The following SLC66A1 variants were observed in gnomAD, a reference collection of about 807,000 sequenced individuals.
SLC66A1 encodes solute carrier family 66 member 1, also known as lysosomal amino acid transporter 1 homolog.
Under a neutral mutation model 33.0 loss-of-function variants are expected in SLC66A1, and 23 were observed. The observed-to-expected ratio is 0.70, with a 90% CI of 0.50 to 0.99. SLC66A1 has a LOEUF of 0.99. SLC66A1 is among the 50% of genes least tolerant of loss of function. SLC66A1 has a pLI of 0.00. For missense variants in SLC66A1, 335 were observed against 383.6 expected (o/e 0.87, Z 1.06); for synonymous variants, 164 against 175.5 (o/e 0.93, Z 0.52).
At chr1:19,316,414 CA>C (rs2093806265) in intron 1 of SLC66A1, among the ~76,000 whole-genome samples, 1 of 150,308 alleles carries the variant, frequency 6.7e-6, no homozygotes, top group African/African-American at 2.5e-5. Flanking sequence ...AGACAGGGTT[CA>C]GCTCTGTCGC....
rs919659013 is a variant in SLC66A1 at position 19,327,479 on chromosome 1, G to A, written c.804+67G>A. 1.7e-5 allele frequency: 26 copies of A among 1,520,940 alleles called. No individual in the cohort carries two copies. The Admixed American group carries it at 1.8e-4, about 10-fold the overall frequency. The allele number at this position is 1,520,940 out of a possible 1,614,324, so 94.2% of individuals were successfully genotyped here. On this transcript the variant is annotated intron_variant, in intron 7 of 7. Coordinates refer to ENST00000375153, the MANE Select transcript of SLC66A1 (RefSeq NM_001040125.2). ...AAGGAAGCTTCTGCCTGCACACAGC[G>A]TCAGCACTCATCCGTCTCTTCCTCC...
chr1:19,332,980 G>T (rs999201339), downstream of SLC66A1, among the ~76,000 whole-genome samples: 1 of 152,204 alleles, frequency 6.6e-6, no homozygotes, highest in African/African-American at 2.4e-5. Context: ...TGTTGAACGA[G>T]ACACTGTATG....
chr1:19,333,808 GTGGGAGGATTGCT>G (rs1157584296), downstream of SLC66A1, among the ~76,000 whole-genome samples: 1 of 152,178 alleles, frequency 6.6e-6, no homozygotes, highest in African/African-American at 2.4e-5. This position sits in a 1 kb window ranked among gnomAD's most constrained non-coding sequence, Gnocchi z 4.2. Context: ...GGAGGTTAAG[GTGGGAGGATTGCT>G]TGGGCCCTGG....
intron 2 of SLC66A1, among the ~76,000 whole-genome samples, chr1:19,323,814 G>A (rs556161377): frequency 1.3e-5 from 2 of 152,338 alleles, no homozygotes; most frequent in South Asian, 2.1e-4. Flanking sequence ...GAGCAAGACC[G>A]GAGGCTCAGG....
At position 19,323,316 on chromosome 1, in the gene SLC66A1, G is replaced by A. The variant is rs552348799; in HGVS notation, c.165-1317G>A. ...GGAGGCTGAGGGAGGCAGGTGGAAG[G>A]ACTCGCTGTGGGAAGAATGCCGGTT... On this transcript the variant is annotated intron_variant, in intron 2 of 7. Transcript: ENST00000375153. Among the ~76,000 whole-genome samples the A allele has an allele frequency of 4.1e-3, 626 of 152,336 alleles. 1 individual carries two copies. The highest frequency in any genetic ancestry group is 0.013 in the African/African-American group (552 of 41,574).
At chr1:19,324,482 C>G (rs760500924) in intron 2 of SLC66A1, 151 bp from the exon 3 acceptor site, 2 of 911,788 alleles carry the variant, frequency 2.2e-6, no homozygotes, top group Non-Finnish European at 3.3e-6. Context: ...TTCTGAGGAT[C>G]CCGCCCGTGG....
intron 4 of SLC66A1, 119 bp downstream of exon 4, chr1:19,325,701 C>G: frequency 1.2e-6 from 1 of 837,084 alleles, no homozygotes; most frequent in Middle Eastern, 3.5e-4. Context: ...TAACCCAAAC[C>G]TCGGAAAGCC....
At position 19,317,607 on chromosome 1, in the gene SLC66A1, G is replaced by A. The variant is rs936559353; in HGVS notation, c.-71G>A. On this transcript the variant is annotated 5_prime_UTR_variant, in exon 2 of 8. Coordinates refer to ENST00000375153, the MANE Select transcript of SLC66A1 (RefSeq NM_001040125.2). The stretch of plus-strand genomic sequence containing the variant: ...CTCCCTTCCTCCCTGTAGAACCCTT[G>A]CTGGCCTCAGAACACCAGCGCCCTC... 2.5e-6 allele frequency: 4 copies of A among 1,575,244 alleles called. No homozygotes were observed. The African/African-American group carries it at 5.4e-5, about 21-fold the overall frequency.
intron 6 of SLC66A1, among the ~76,000 whole-genome samples, chr1:19,326,855 T>C (rs79193079): frequency 0.025 from 3,793 of 151,390 alleles, 166 homozygotes; most frequent in African/African-American, 0.086. Flanking sequence ...ATGTGTGTCT[T>C]GGGGGAGTGG....
intron 2 of SLC66A1, among the ~76,000 whole-genome samples, chr1:19,318,277 C>A (rs191416704): frequency 5.3e-5 from 8 of 152,316 alleles, no homozygotes; most frequent in African/African-American, 1.7e-4. Context: ...GCGTCAAACA[C>A]AACCTCTGTC....
Position 19,312,361 on chromosome 1 carries a change from G to T in SLC66A1, c.-607G>T. 4.0e-6 allele frequency: 1 copy of T among 252,240 alleles called. No individual in the cohort carries two copies. Among genetic ancestry groups the T allele is most frequent in the Non-Finnish European group, 7.4e-6 (1 of 135,300 alleles). 15.6% of individuals were successfully genotyped at this position (252,240 alleles called of 1,614,324 possible). A position where few individuals can be genotyped will look rare whatever the true frequency, so the allele number is the denominator to read the frequency against. On this transcript the variant is annotated 5_prime_UTR_variant, in exon 1 of 8. Transcript: ENST00000375153. ...CCCTGGCGGCGGATCTGGACGTGGTGAGCCGGACCGGGGGCAGGTGGCAAA... is the reference window on the plus strand; with the variant it reads ...CCCTGGCGGCGGATCTGGACGTGGTTAGCCGGACCGGGGGCAGGTGGCAAA...
intron 2 of SLC66A1, among the ~76,000 whole-genome samples, chr1:19,319,688 AG>A (rs1401988182): frequency 7.0e-6 from 1 of 143,868 alleles, no homozygotes; most frequent in Non-Finnish European, 1.5e-5. Context: ...AGATCGCCTG[AG>A]GGCAGGAGTT....
chr1:19,324,728 T>A lies in SLC66A1; in HGVS notation c.260T>A (p.Ile87Asn). The part of the protein sequence containing the change: ...GWIGGDSCNL[I>N]GSFLADQLPL... ...ATTGGCGGAGACTCCTGCAACCTCA[T>A]CGGCTCCTTCCTTGCTGACCAGCTG... is the stretch of plus-strand genomic sequence containing the variant. Residue 87 changes from isoleucine (I) to asparagine (N), a missense_variant, in exon 3 of 8, where the codon ATC becomes AAC. By Grantham distance (149) the Ile-to-Asn change is moderately radical. Transcript: ENST00000375153. 6.2e-7 allele frequency: 1 copy of A among 1,614,138 alleles called. No individual in the cohort carries two copies. The highest frequency in any genetic ancestry group is 1.3e-5 in the African/African-American group (1 of 75,050).
chr1:19,315,734 C>G (rs75331752), intron 1 of SLC66A1, among the ~76,000 whole-genome samples: 1,552 of 152,312 alleles, frequency 0.01, 24 homozygotes, highest in African/African-American at 0.035. Flanking sequence ...CTCCCTCCCT[C>G]TCTCCCTCTC....
At chr1:19,324,588 G>A (rs776858986) in intron 2 of SLC66A1, 45 bp from the exon 3 acceptor site, 52 of 1,611,916 alleles carry the variant, frequency 3.2e-5, no homozygotes, top group Admixed American at 2.0e-4. Flanking sequence ...GGCATCCCCT[G>A]TAAGGTGGCC....
At chr1:19,330,110 A>G (rs1447002694), downstream of SLC66A1, among the ~76,000 whole-genome samples, 1 of 152,092 alleles carries the variant, frequency 6.6e-6, no homozygotes, top group African/African-American at 2.4e-5. Flanking sequence ...GGGACTACAG[A>G]TGAGCACCAC....
downstream of SLC66A1, among the ~76,000 whole-genome samples, chr1:19,332,386 AGTAAGTGCCTG>A (rs2093895073): frequency 6.6e-6 from 1 of 152,216 alleles, no homozygotes; most frequent in Non-Finnish European, 1.5e-5. Flanking sequence ...CCTGGCACAC[AGTAAGTGCCTG>A]GTAAATAAAC....
At chr1:19,321,631 A>G (rs2093838254) in intron 2 of SLC66A1, among the ~76,000 whole-genome samples, 1 of 147,084 alleles carries the variant, frequency 6.8e-6, no homozygotes, top group South Asian at 2.1e-4. Flanking sequence ...CAGTGGTGCG[A>G]TCTCAGCTCA....
chr1:19,326,357 G>A lies in SLC66A1; in HGVS notation c.495G>A (p.Arg165=), dbSNP rs946254091. 1 of 1,606,470 alleles carries A rather than the reference G, an allele frequency of 6.2e-7. No homozygotes were observed. The change falls in exon 5 of 8, where the codon CGG becomes CGA. Residue 165 remains arginine, a synonymous_variant. Coordinates refer to ENST00000375153, the MANE Select transcript of SLC66A1 (RefSeq NM_001040125.2). ...CCCCTAGGGAAGCCTTCCGGGGGCG[G>A]GCGCTCCTGTCCGTGGAGTCGGGCA... ...VAAPREAFRG[R]ALLSVESGSK...
Sources: gnomAD v4.1 joint callset for allele counts (sites outside exome capture counted in the v4.1 genomes callset) on GRCh38, gnomAD v4.1.1 for gene constraint, Gnocchi (gnomAD v3.1) non-coding constraint, MANE v1.5 for transcripts, NCBI Gene and HGNC (gene_info 2026-07-23, HGNC 2026-07-21) for gene names.